PPP3R1: variants seen among roughly 807,000 people sequenced by gnomAD.
PPP3R1 encodes protein phosphatase 3 regulatory subunit B, alpha, also known as calcineurin subunit B type 1.
Under a neutral mutation model 22.6 loss-of-function variants are expected in PPP3R1, and 5 were observed. The observed-to-expected ratio is 0.22, with a 90% confidence interval of 0.12 to 0.46. The LOEUF is 0.46. Ranked by LOEUF, PPP3R1 falls within the 20% of genes least tolerant of loss-of-function variation. PPP3R1 has a pLI of 0.99. For missense variants in PPP3R1, 61 were observed against 203.2 expected (o/e 0.30, Z 4.25); for synonymous variants, 56 against 65.2 (o/e 0.86, Z 0.68).
rs112271256 is a variant in PPP3R1, at chr2:68,202,439, T to G, written c.44-13749A>C. 5.2e-3 allele frequency among the ~76,000 whole-genome samples: 489 copies of G among 94,038 alleles called. 3 individuals are homozygous for G. Among genetic ancestry groups the G allele is most frequent in the Non-Finnish European group, 6.4e-3 (251 of 39,292 alleles). 61.7% of individuals were successfully genotyped at this position (94,038 alleles called of 152,430 possible). ...TGTTGTTGTTGTTGTTGTTGTTGTT[T>G]TTTGAGATGGAGTCTCGCTCTGTCT... is the stretch of plus-strand genomic sequence containing the variant. On this transcript the variant is annotated intron_variant, in intron 2 of 5. Coordinates refer to ENST00000234310, the MANE Select transcript of PPP3R1 (RefSeq NM_000945.4).
At chr2:68,203,104 G>C (rs1353548673) in intron 2 of PPP3R1, among the ~76,000 whole-genome samples, 1 of 152,106 alleles carries the variant, frequency 6.6e-6, no homozygotes, top group African/African-American at 2.4e-5. Context: ...TTTACTGAGA[G>C]CAAGCAAAGC....
In PPP3R1 at chr2:68,241,311, T is replaced by C. The variant is rs114544154; in HGVS notation, c.3+10814A>G. On this transcript the variant is annotated intron_variant, in intron 1 of 5. Transcript: ENST00000234310. ...TATTTGTATTATTTTTCATTGTTATTTTTTATTTTTTTTCCCCAAGTATTT... is the reference window on the plus strand; with the variant it reads ...TATTTGTATTATTTTTCATTGTTATCTTTTATTTTTTTTCCCCAAGTATTT... 5.3e-4 allele frequency among the ~76,000 whole-genome samples: 81 copies of C among 152,356 alleles called. 1 individual carries two copies. Among genetic ancestry groups the C allele is most frequent in the African/African-American group, 1.8e-3 (75 of 41,586 alleles).
intron 1 of PPP3R1, among the ~76,000 whole-genome samples, chr2:68,246,067 C>CTTTTTTTTTT (rs746584723): frequency 4.1e-5 from 3 of 73,806 alleles, no homozygotes; most frequent in Non-Finnish European, 6.9e-5. Flanking sequence ...TTCTTTCTTT[C>CTTTTTTTTTT]TTTTTTTTTT....
At chr2:68,218,568 A>G (rs989623817) in intron 1 of PPP3R1, among the ~76,000 whole-genome samples, 1 of 152,042 alleles carries the variant, frequency 6.6e-6, no homozygotes, top group South Asian at 2.1e-4. Flanking sequence ...TATTCTTACC[A>G]TGATTCTTAT....
Position 68,252,269 on chromosome 2 carries a change from G to A in PPP3R1, c.-142C>T. 1 of 1,054,070 alleles carries A rather than the reference G, an allele frequency of 9.5e-7. No individual in the cohort carries two copies. The highest frequency in any genetic ancestry group is 1.1e-6 in the Non-Finnish European group (1 of 875,190). 65.3% of individuals were successfully genotyped at this position (1,054,070 alleles called of 1,614,324 possible). ...GAGGGGGCGCGCGTGGGGGAGGGGA[G>A]GCGGCGCCGCGGGGCCCGCGCCGGC... On this transcript the variant is annotated 5_prime_UTR_variant, in exon 1 of 6. Coordinates refer to ENST00000234310, the MANE Select transcript of PPP3R1 (RefSeq NM_000945.4).
At chr2:68,190,410 C>G (rs1248353143) in intron 2 of PPP3R1, among the ~76,000 whole-genome samples, 2 of 151,734 alleles carry the variant, frequency 1.3e-5, no homozygotes, top group Admixed American at 6.6e-5. Flanking sequence ...ACTAAAAATA[C>G]AAAAATTAGC....
intron 5 of PPP3R1, 106 bp from the exon 6 acceptor site, chr2:68,181,116 G>A (rs1490898285): frequency 3.1e-5 from 34 of 1,094,990 alleles, no homozygotes; most frequent in African/African-American, 4.7e-5. Context: ...GGGGCTGGGC[G>A]TGGTGGCTCA....
At chr2:68,196,103 T>A (rs558445022) in intron 2 of PPP3R1, among the ~76,000 whole-genome samples, 350 of 152,220 alleles carry the variant, frequency 2.3e-3, no homozygotes, top group Middle Eastern at 6.8e-3. Flanking sequence ...AAAAAAGCCA[T>A]CAGACATGGC....
intron 1 of PPP3R1, among the ~76,000 whole-genome samples, chr2:68,243,108 A>T (rs995007027): frequency 6.6e-5 from 10 of 152,214 alleles, no homozygotes; most frequent in Non-Finnish European, 1.0e-4. Flanking sequence ...ACTACTTACA[A>T]GAAATATTTA....
chr2:68,195,516 G>A (rs1674749227), intron 2 of PPP3R1, among the ~76,000 whole-genome samples: 1 of 152,128 alleles, frequency 6.6e-6, no homozygotes, highest in Non-Finnish European at 1.5e-5. Flanking sequence ...ATCCTGGGAG[G>A]AGAGGGGGTA....
At chr2:68,181,307 C>T (rs1421810385) in intron 5 of PPP3R1, among the ~76,000 whole-genome samples, 4 of 151,338 alleles carry the variant, frequency 2.6e-5, no homozygotes, top group Non-Finnish European at 4.4e-5. Context: ...GCAGGAGAAT[C>T]GCTTGAACCC....
intron 1 of PPP3R1, among the ~76,000 whole-genome samples, chr2:68,249,885 AAAT>A (rs1348151937): frequency 2.6e-5 from 4 of 152,228 alleles, no homozygotes; most frequent in Admixed American, 6.5e-5. Flanking sequence ...GACAGAATGT[AAAT>A]AATAAGAGTT....
chr2:68,251,606 G>A (rs972767934), intron 1 of PPP3R1, among the ~76,000 whole-genome samples: 7 of 152,202 alleles, frequency 4.6e-5, no homozygotes, highest in Non-Finnish European at 8.8e-5. Flanking sequence ...AAGACTCACT[G>A]CTGGGAAACA....
chr2:68,223,286 C>T (rs1669721531), intron 1 of PPP3R1, among the ~76,000 whole-genome samples: 2 of 152,150 alleles, frequency 1.3e-5, no homozygotes, highest in South Asian at 4.1e-4. Context: ...ATCCCAGCTA[C>T]TTGGGACGCT....
At chr2:68,198,703 A>G (rs769344561) in intron 2 of PPP3R1, among the ~76,000 whole-genome samples, 63 of 152,104 alleles carry the variant, frequency 4.1e-4, no homozygotes, top group Non-Finnish European at 5.9e-4. Context: ...TCAGTTTGCT[A>G]AATTTTTTAA....
chr2:68,234,645 G>A (rs1030963639), intron 1 of PPP3R1, among the ~76,000 whole-genome samples: 1 of 152,208 alleles, frequency 6.6e-6, no homozygotes, highest in Non-Finnish European at 1.5e-5. Context: ...GTGAGAGGGT[G>A]TCAGGTGAAG....
chr2:68,223,691 TTCTC>T (rs1327750703), intron 1 of PPP3R1, among the ~76,000 whole-genome samples: 3 of 152,058 alleles, frequency 2.0e-5, no homozygotes, highest in Non-Finnish European at 4.4e-5. Context: ...CTAGGACTAT[TTCTC>T]TATCTATAAA....
At chr2:68,248,485 T>C (rs1372571540) in intron 1 of PPP3R1, among the ~76,000 whole-genome samples, 2 of 152,240 alleles carry the variant, frequency 1.3e-5, no homozygotes, top group East Asian at 3.8e-4. Flanking sequence ...TTCCTTCCTA[T>C]TCTCTAAACA....
chr2:68,193,687 C>T lies in PPP3R1; in HGVS notation c.44-4997G>A, dbSNP rs149479222. Among the ~76,000 whole-genome samples, 250 of 152,260 alleles carry T rather than the reference C, an allele frequency of 1.6e-3. 2 individuals are homozygous for T. In the South Asian group the frequency reaches 0.021, roughly 13 times the overall value. ...TCCACTTGCCAGCAGTGTTGCTGTG[C>T]TACAGTAGGATATTAGAGTATGAAA... On this transcript the variant is annotated intron_variant, in intron 2 of 5. Transcript: ENST00000234310.
Sources: allele counts gnomAD v4.1 joint callset (sites outside exome capture counted in the v4.1 genomes callset), GRCh38; gene constraint gnomAD v4.1.1; transcripts MANE v1.5; gene names NCBI Gene and HGNC (gene_info 2026-07-23, HGNC 2026-07-21).